The following CACNA1E variants were observed in gnomAD, a reference collection of about 807,000 sequenced individuals.
The protein encoded by CACNA1E is voltage-dependent R-type calcium channel subunit alpha-1E.
CACNA1E carries 40 observed loss-of-function variants against 259.2 expected under a neutral mutation model. The observed-to-expected ratio is 0.15, with a 90% CI of 0.12 to 0.20. The LOEUF (loss-of-function observed/expected upper bound fraction) is 0.20, where lower values mean the gene tolerates loss of function less well. CACNA1E is among the 10% of genes least tolerant of loss of function. The pLI, the probability that CACNA1E is intolerant of heterozygous loss-of-function variation, is 1.00. For synonymous variants in CACNA1E, 1,104 were observed against 1,138.5 expected (o/e 0.97, Z 0.61); for missense variants, 1,874 against 3,040.1 (o/e 0.62, Z 9.02).
chr1:181,493,911 T>G (rs1198616508), intron 1 of CACNA1E, among the ~76,000 whole-genome samples: 1 of 152,232 alleles, frequency 6.6e-6, no homozygotes. Context: ...TGAGCCACTC[T>G]GCACATTGCG....
intron 6 of CACNA1E, among the ~76,000 whole-genome samples, chr1:181,584,350 A>G (rs1026722394): frequency 6.6e-6 from 1 of 152,204 alleles, no homozygotes; most frequent in African/African-American, 2.4e-5. Context: ...TGCTTTCCGC[A>G]TCTGTTGTGA....
chr1:181,532,000 G>A (rs1667823774), intron 3 of CACNA1E, among the ~76,000 whole-genome samples: 1 of 152,170 alleles, frequency 6.6e-6, no homozygotes, highest in African/African-American at 2.4e-5. Context: ...AGGTTGCAGT[G>A]AGCCGCCATT....
At chr1:181,687,313 A>G (rs1269583308) in intron 7 of CACNA1E, among the ~76,000 whole-genome samples, 2 of 152,122 alleles carry the variant, frequency 1.3e-5, no homozygotes, top group Non-Finnish European at 2.9e-5. Flanking sequence ...ATGACTCTTT[A>G]TGCCTTGGGG....
intron 6 of CACNA1E, among the ~76,000 whole-genome samples, chr1:181,649,307 A>G (rs1300223357): frequency 2.0e-5 from 3 of 152,158 alleles, no homozygotes; most frequent in African/African-American, 7.2e-5. Flanking sequence ...CCATTCAGAA[A>G]GTGTTTTCTT....
chr1:181,795,677 T>G (rs1278938595), intron 46 of CACNA1E, among the ~76,000 whole-genome samples: 1 of 151,276 alleles, frequency 6.6e-6, no homozygotes, highest in Non-Finnish European at 1.5e-5. Flanking sequence ...CCTGACCTCA[T>G]GATCCGCCCG....
At position 181,336,156 on chromosome 1, in the gene CACNA1E, T is replaced by C. The variant is rs552221564; in HGVS notation, c.-15+18033T>C. Among the ~76,000 whole-genome samples, 312 of 152,318 alleles carry C rather than the reference T, an allele frequency of 2.0e-3. 2 individuals carry two copies. Among genetic ancestry groups the C allele is most frequent in the Non-Finnish European group, 2.8e-3 (193 of 68,016 alleles). ...CGTACAGTGAGGGCTTGAGTGAAGA[T>C]AGAATCAGTTAAGGGACCATTTACT... is the stretch of plus-strand genomic sequence containing the variant. On this transcript the variant is annotated intron_variant, in intron 1 of 11. Transcript: ENST00000524607.
chr1:181,670,832 T>C lies in CACNA1E; in HGVS notation c.1055+19391T>C, dbSNP rs527288830. On this transcript the variant is annotated intron_variant, in intron 7 of 47. Transcript: ENST00000367573. ...CTCTTGTCCCTGTGTTTTCACATTG[T>C]ATGTTCTATTTAGATCAAGGTACCC... Among the ~76,000 whole-genome samples the C allele has an allele frequency of 3.5e-4, 53 of 152,280 alleles. 1 individual carries two copies. The highest frequency in any genetic ancestry group is 1.3e-3 in the African/African-American group (53 of 41,548).
intron 7 of CACNA1E, among the ~76,000 whole-genome samples, chr1:181,673,553 T>G (rs1313978729): frequency 6.6e-6 from 1 of 152,176 alleles, no homozygotes; most frequent in East Asian, 1.9e-4. Flanking sequence ...GAACAGCTTT[T>G]CCAAGGTGAG....
At position 181,441,530 on chromosome 1, in the gene CACNA1E, G is replaced by T. The variant is rs189868325; in HGVS notation, c.434+27950G>T. ...TATAGGTTTAAGAACACAATGATTG[G>T]TCATTCTTTTTCTTTCCTACCCAGA... On this transcript the variant is annotated intron_variant, in intron 2 of 11. Coordinates refer to the CACNA1E transcript ENST00000524607. 1.3e-5 allele frequency among the ~76,000 whole-genome samples: 2 copies of T among 152,314 alleles called. 1 individual carries two copies. Among genetic ancestry groups the T allele is most frequent in the East Asian group, 3.9e-4 (2 of 5,184 alleles).
intron 3 of CACNA1E, among the ~76,000 whole-genome samples, chr1:181,540,383 C>T (rs1668491615): frequency 6.6e-6 from 1 of 152,090 alleles, no homozygotes; most frequent in Non-Finnish European, 1.5e-5. Flanking sequence ...CCTTGTGTGC[C>T]TGGCACTTAG....
At chr1:181,474,236 G>T (rs1662699119) in intron 2 of CACNA1E, among the ~76,000 whole-genome samples, 1 of 152,146 alleles carries the variant, frequency 6.6e-6, no homozygotes, top group South Asian at 2.1e-4. Context: ...TCCAGTGATG[G>T]GGTGGTTTTG....
chr1:181,434,344 T>G (rs1273501305), intron 2 of CACNA1E, among the ~76,000 whole-genome samples: 1 of 152,190 alleles, frequency 6.6e-6, no homozygotes, highest in Admixed American at 6.5e-5. Flanking sequence ...CTATTATAAA[T>G]TAATCAGTTT....
At chr1:181,476,146 G>A (rs1245974541) in intron 2 of CACNA1E, among the ~76,000 whole-genome samples, 1 of 152,172 alleles carries the variant, frequency 6.6e-6, no homozygotes, top group Non-Finnish European at 1.5e-5. Flanking sequence ...GGTAAAAAAA[G>A]GGACCATCAG....
chr1:181,641,069 T>A (rs536087594), intron 6 of CACNA1E, among the ~76,000 whole-genome samples: 1 of 152,356 alleles, frequency 6.6e-6, no homozygotes, highest in Admixed American at 6.5e-5. Context: ...CGACTTAGCC[T>A]TCTTATGGAT....
Position 181,771,390 on chromosome 1 carries a change from T to A in CACNA1E, c.4973+6T>A. The A allele has an allele frequency of 6.6e-7, 1 of 1,511,622 alleles. No individual in the cohort carries two copies. The highest frequency in any genetic ancestry group is 9.2e-7 in the Non-Finnish European group (1 of 1,092,654). 93.6% of individuals were successfully genotyped at this position (1,511,622 alleles called of 1,614,324 possible). A position where few individuals can be genotyped will look rare whatever the true frequency, so the allele number is the denominator to read the frequency against. On this transcript the variant is annotated splice_donor_region_variant and intron_variant, in intron 36 of 47. Transcript: ENST00000367573. The stretch of plus-strand genomic sequence containing the variant: ...TCCCTAATGCTACTCTTCAGGTACC[T>A]GGATGCGTAACTGTCATAGCTGGGG...
chr1:181,318,988 T>A (rs1041934758), intron 1 of CACNA1E, among the ~76,000 whole-genome samples: 2 of 152,136 alleles, frequency 1.3e-5, no homozygotes, highest in Non-Finnish European at 1.5e-5. Context: ...GCCCATGTCT[T>A]GGAGAGAATA....
At chr1:181,651,961 T>C (rs191850425) in intron 7 of CACNA1E, 18 of 152,642 alleles carry the variant, frequency 1.2e-4, no homozygotes, top group Admixed American at 3.3e-4. Flanking sequence ...TTAGGAAACA[T>C]GTTTTGCCAA....
chr1:181,735,398 C>G (rs986443913), intron 21 of CACNA1E, among the ~76,000 whole-genome samples: 4 of 152,110 alleles, frequency 2.6e-5, no homozygotes, highest in Non-Finnish European at 5.9e-5. Flanking sequence ...GAGGCCTGGG[C>G]ATGGGCCAGG....
chr1:181,727,576 ACCT>A (rs1161314756), intron 18 of CACNA1E, among the ~76,000 whole-genome samples: 1 of 152,232 alleles, frequency 6.6e-6, no homozygotes, highest in Non-Finnish European at 1.5e-5. Context: ...TCTAGCCTGG[ACCT>A]GTGGTAGAGC....
Sources: allele counts gnomAD v4.1 joint callset (sites outside exome capture counted in the v4.1 genomes callset), GRCh38; gene constraint gnomAD v4.1.1; transcripts MANE v1.5; gene names NCBI Gene and HGNC (gene_info 2026-07-23, HGNC 2026-07-21).